NAF1: variants seen among roughly 807,000 people sequenced by gnomAD.
The protein encoded by NAF1 is H/ACA ribonucleoprotein complex non-core subunit NAF1.
Under a neutral mutation model 40.6 loss-of-function variants are expected in NAF1, and 11 were observed. That is an observed-to-expected ratio of 0.27 (90% CI 0.17 to 0.45). The LOEUF (loss-of-function observed/expected upper bound fraction) is 0.45. Among genes scored for constraint, NAF1 ranks in the 20% least tolerant of loss-of-function variants. The pLI, the probability that NAF1 is intolerant of heterozygous loss-of-function variation, is 1.00. For synonymous variants in NAF1, 260 were observed against 228.5 expected (o/e 1.14, Z -1.24); for missense variants, 607 against 611.1 (o/e 0.99, Z 0.07).
intron 2 of NAF1, among the ~76,000 whole-genome samples, chr4:163,155,970 CCTT>C (rs1227430350): frequency 7.6e-6 from 1 of 131,370 alleles, no homozygotes; most frequent in Non-Finnish European, 1.6e-5. Context: ...GATAGAAAGA[CCTT>C]CTTCATCACA....
Position 163,164,402 on chromosome 4 carries a change from G to C in NAF1, c.366-11C>G. On this transcript the variant is annotated splice_polypyrimidine_tract_variant and intron_variant, in intron 1 of 7. Transcript: ENST00000274054. ...TCTGAATCTGTTTCACTGTAGGGAA[G>C]AAAACAGTTAAAAAAATAGTCCAGT... is the stretch of plus-strand genomic sequence containing the variant. The C allele has an allele frequency of 6.6e-7, 1 of 1,511,938 alleles. No individual in the cohort carries two copies. Among genetic ancestry groups the C allele is most frequent in the Non-Finnish European group, 8.8e-7 (1 of 1,132,624 alleles). 93.7% of individuals were successfully genotyped at this position (1,511,938 alleles called of 1,614,324 possible). A position where few individuals can be genotyped will look rare whatever the true frequency, so the allele number is the denominator to read the frequency against.
chr4:163,125,152 T>C (rs1047572103), downstream of NAF1, among the ~76,000 whole-genome samples: 1 of 152,212 alleles, frequency 6.6e-6, no homozygotes, highest in African/African-American at 2.4e-5. Context: ...CAGGCCTTCC[T>C]ATTTCGTGAA....
downstream of NAF1, among the ~76,000 whole-genome samples, chr4:163,105,465 T>C (rs568453477): frequency 8.5e-5 from 13 of 152,368 alleles, no homozygotes; most frequent in African/African-American, 2.4e-4. Context: ...AACATCACTT[T>C]TGAAGCTGTT....
chr4:163,152,894 G>C (rs906670836), intron 2 of NAF1, among the ~76,000 whole-genome samples: 3 of 152,222 alleles, frequency 2.0e-5, no homozygotes, highest in African/African-American at 4.8e-5. Context: ...TTGCGGGCCA[G>C]CTGGAGTTCC....
At chr4:163,135,329 C>G (rs952584537) in intron 6 of NAF1, 1 of 152,094 alleles carries the variant, frequency 6.6e-6, no homozygotes, top group Non-Finnish European at 1.5e-5. Context: ...AATTAAATCC[C>G]AAGATACTTA....
intron 4 of NAF1, chr4:163,141,881 T>C: frequency 1.1e-6 from 1 of 902,906 alleles, no homozygotes; most frequent in Non-Finnish European, 1.3e-6. Context: ...ATGATTTCAG[T>C]ACAGCACTGA....
intron 2 of NAF1, among the ~76,000 whole-genome samples, chr4:163,112,130 T>TA (rs981148541): frequency 1.6e-4 from 24 of 150,320 alleles, no homozygotes; most frequent in Admixed American, 4.6e-4. Context: ...AAAGCAAGGA[T>TA]AAAAAAAATA....
intron 7 of NAF1, 106 bp from the exon 8 acceptor site, chr4:163,129,454 G>T: frequency 1.7e-6 from 2 of 1,195,696 alleles, no homozygotes; most frequent in Non-Finnish European, 1.1e-6. Flanking sequence ...TATATCTTGT[G>T]GCAGTTAAAA....
At chr4:163,150,029 A>G (rs1274427300) in intron 2 of NAF1, among the ~76,000 whole-genome samples, 1 of 152,096 alleles carries the variant, frequency 6.6e-6, no homozygotes, top group Non-Finnish European at 1.5e-5. Context: ...CCCATTACCT[A>G]GCCAAATTAT....
chr4:163,160,579 C>T (rs934556308), intron 2 of NAF1, among the ~76,000 whole-genome samples: 2 of 152,212 alleles, frequency 1.3e-5, no homozygotes, highest in African/African-American at 2.4e-5. Context: ...TCCAGAGAGG[C>T]GACATTCCTG....
chr4:163,121,323 A>G (rs1333928739), intron 2 of NAF1, among the ~76,000 whole-genome samples: 1 of 152,176 alleles, frequency 6.6e-6, no homozygotes, highest in Non-Finnish European at 1.5e-5. Context: ...CCTAATTTAT[A>G]TCCATATAAA....
At chr4:163,146,665 A>G (rs999640676) in intron 3 of NAF1, among the ~76,000 whole-genome samples, 1 of 152,228 alleles carries the variant, frequency 6.6e-6, no homozygotes, top group Non-Finnish European at 1.5e-5. Flanking sequence ...AACAGTGGAT[A>G]CTTCAGGCTG....
chr4:163,125,674 C>A (rs561292630), downstream of NAF1, among the ~76,000 whole-genome samples: 11 of 152,262 alleles, frequency 7.2e-5, no homozygotes, highest in South Asian at 2.3e-3. Context: ...TGTAAGTTAT[C>A]CAGAAGATCT....
At position 163,135,653 on chromosome 4, in the gene NAF1, G is replaced by C. The variant is rs572594119; in HGVS notation, c.930+1546C>G. The C allele has an allele frequency of 2.6e-5, 4 of 152,408 alleles. No individual in the cohort carries two copies. The East Asian group carries it at 7.7e-4, about 29-fold the overall frequency. 9.4% of individuals were successfully genotyped at this position (152,408 alleles called of 1,614,324 possible). A position where few individuals can be genotyped will look rare whatever the true frequency, so the allele number is the denominator to read the frequency against. On this transcript the variant is annotated intron_variant, in intron 6 of 7. Coordinates refer to ENST00000274054, the MANE Select transcript of NAF1 (RefSeq NM_138386.3). ...TAAAAATACAAAATTAGCTGGGCGT[G>C]GTGGCATGCGCCTGTAATCTCAGCT...
rs1284481307 is a variant in NAF1, at chr4:163,140,264, C to A, written c.837G>T (p.Met279Ile). 6.2e-7 allele frequency: 1 copy of A among 1,606,112 alleles called. No individual in the cohort carries two copies. The highest frequency in any genetic ancestry group is 1.3e-5 in the African/African-American group (1 of 74,402). The change falls in exon 5 of 8, where the codon ATG (methionine) becomes ATT (isoleucine). Residue 279 changes from methionine (M) to isoleucine (I), a missense_variant. This residue lies in a region of NAF1 where 407 missense variants were observed against 365.5 expected (regional missense o/e 1.11). Coordinates refer to ENST00000274054, the MANE Select transcript of NAF1 (RefSeq NM_138386.3). ...IKETMYFAPSMKDFTQYIFTE... is the reference protein window; with the variant it reads ...IKETMYFAPSIKDFTQYIFTE... ...TGAATATATATTGAGTGAAATCTTTCATTGATGGAGCAAAATACATAGTCT... is the reference window on the plus strand; with the variant it reads ...TGAATATATATTGAGTGAAATCTTTAATTGATGGAGCAAAATACATAGTCT...
At chr4:163,106,637 C>T (rs1232874647), downstream of NAF1, among the ~76,000 whole-genome samples, 1 of 151,912 alleles carries the variant, frequency 6.6e-6, no homozygotes, top group African/African-American at 2.4e-5. Context: ...TATATTAATA[C>T]AGAATCATCC....
At position 163,133,162 on chromosome 4, in the gene NAF1, T is replaced by C. The variant is rs757172159; in HGVS notation, c.1025A>G (p.Asn342Ser). 16 of 1,612,986 alleles carry C rather than the reference T, an allele frequency of 9.9e-6. No individual in the cohort carries two copies. In the Admixed American group the frequency reaches 1.3e-4, roughly 13 times the overall value. The change falls in exon 7 of 8, where the codon AAT becomes AGT. Residue 342 changes from asparagine (N) to serine (S), a missense_variant. Physicochemically the swap from Asn to Ser is conservative, Grantham distance 46. Transcript: ENST00000274054. Reference protein sequence around the residue: ...QGRKKLKSEFNEPGEDFTEVH... With the variant: ...QGRKKLKSEFSEPGEDFTEVH... ...ATATTGTATTCACTCACCAGGCTCA[T>C]TAAATTCAGATTTGAGTTTTTTCCG...
At chr4:163,118,930 T>C (rs936972219) in intron 2 of NAF1, among the ~76,000 whole-genome samples, 2 of 152,226 alleles carry the variant, frequency 1.3e-5, no homozygotes, top group Non-Finnish European at 2.9e-5. Flanking sequence ...AAATATTAAC[T>C]AGCATGACTG....
At chr4:163,149,380 G>A (rs1341362833) in intron 2 of NAF1, among the ~76,000 whole-genome samples, 1 of 152,150 alleles carries the variant, frequency 6.6e-6, no homozygotes, top group Non-Finnish European at 1.5e-5. Context: ...GAAGTATACT[G>A]CAGACGAATG....
Sources: allele counts gnomAD v4.1 joint callset (sites outside exome capture counted in the v4.1 genomes callset), GRCh38; gene constraint gnomAD v4.1.1; regional missense constraint gnomAD v4.1.1; transcripts MANE v1.5; gene names NCBI Gene and HGNC (gene_info 2026-07-23, HGNC 2026-07-21).